Variants in MTUS2 observed in about 807,000 individuals in gnomAD.
MTUS2 encodes microtubule associated scaffold protein 2, also known as microtubule-associated tumor suppressor candidate 2.
A neutral mutation model predicts 114.1 loss-of-function variants in MTUS2; 40 were observed. That is an observed-to-expected ratio of 0.35 (90% confidence interval 0.27 to 0.46). The LOEUF is 0.46. Ranked by LOEUF, MTUS2 falls within the 20% of genes least tolerant of loss-of-function variation. The probability of loss-of-function intolerance (pLI) is 1.00; values close to 1 mark genes in which losing one functional copy is unlikely to be tolerated. For synonymous variants in MTUS2, 688 were observed against 672.0 expected, an observed-to-expected ratio of 1.02 and a Z score of -0.37; for missense variants, 1,679 against 1,705.4, an observed-to-expected ratio of 0.98 and a Z score of 0.27.
intron 2 of MTUS2, among the ~76,000 whole-genome samples, chr13:28,887,064 C>T (rs952797260): frequency 2.0e-5 from 3 of 152,098 alleles, no homozygotes; most frequent in East Asian, 1.9e-4. Flanking sequence ...TGGAGATCAG[C>T]GGAGGTTAAG....
intron 5 of MTUS2, among the ~76,000 whole-genome samples, chr13:29,278,210 A>T (rs1898136911): frequency 6.6e-6 from 1 of 152,236 alleles, no homozygotes; most frequent in Admixed American, 6.5e-5. Context: ...TTTTTCAAAC[A>T]GTACATAGGA....
chr13:28,967,321 A>G (rs1209617416), intron 2 of MTUS2, among the ~76,000 whole-genome samples: 1 of 152,212 alleles, frequency 6.6e-6, no homozygotes, highest in African/African-American at 2.4e-5. Context: ...GGCATTTCTG[A>G]AATGATCTAC....
chr13:28,992,575 A>G (rs74041691), intron 2 of MTUS2, among the ~76,000 whole-genome samples: 2,681 of 152,116 alleles, frequency 0.018, 79 homozygotes, highest in African/African-American at 0.06. Flanking sequence ...ACTATTGACT[A>G]TTTCCTTAAT....
At chr13:29,139,795 A>G (rs1892140714) in intron 5 of MTUS2, among the ~76,000 whole-genome samples, 1 of 152,206 alleles carries the variant, frequency 6.6e-6, no homozygotes. Flanking sequence ...ATGATTCCTC[A>G]TTCTCGTGCT....
chr13:29,141,321 T>A (rs1232490493), intron 5 of MTUS2, among the ~76,000 whole-genome samples: 1 of 152,092 alleles, frequency 6.6e-6, no homozygotes, highest in Non-Finnish European at 1.5e-5. Flanking sequence ...GAGAGGAGTG[T>A]CTTACAATAT....
chr13:29,249,257 A>G (rs1291745518), intron 5 of MTUS2, among the ~76,000 whole-genome samples: 1 of 152,102 alleles, frequency 6.6e-6, no homozygotes, highest in Non-Finnish European at 1.5e-5. Flanking sequence ...CCAAAGTGCT[A>G]GGATTACAGG....
chr13:29,314,931 C>T (rs1899925284), intron 6 of MTUS2, among the ~76,000 whole-genome samples: 1 of 152,144 alleles, frequency 6.6e-6, no homozygotes, highest in Non-Finnish European at 1.5e-5. Flanking sequence ...CCTTGTCCAT[C>T]AACAGATGAA....
At chr13:28,963,975 C>T (rs1485842401) in intron 2 of MTUS2, among the ~76,000 whole-genome samples, 3 of 152,192 alleles carry the variant, frequency 2.0e-5, no homozygotes, top group African/African-American at 7.2e-5. Context: ...CAGCTGTGAA[C>T]TCTTCATCCT....
intron 5 of MTUS2, among the ~76,000 whole-genome samples, chr13:29,202,881 G>A (rs576016191): frequency 3.5e-4 from 54 of 152,302 alleles, no homozygotes; most frequent in Non-Finnish European, 6.8e-4. Context: ...CCTCTGGAAG[G>A]TTTGTCCCAG....
At chr13:29,405,726 C>T (rs1874698802) in intron 8 of MTUS2, among the ~76,000 whole-genome samples, 1 of 147,484 alleles carries the variant, frequency 6.8e-6, no homozygotes, top group South Asian at 2.2e-4. Flanking sequence ...TTATGACGAC[C>T]ATGGGCTAAT....
At chr13:29,241,617 A>G (rs1334431872) in intron 5 of MTUS2, among the ~76,000 whole-genome samples, 2 of 152,148 alleles carry the variant, frequency 1.3e-5, no homozygotes, top group Non-Finnish European at 2.9e-5. Context: ...ATCACATGCT[A>G]CATTTGATTG....
At chr13:29,103,283 G>A (rs556150120) in intron 5 of MTUS2, among the ~76,000 whole-genome samples, 3 of 152,264 alleles carry the variant, frequency 2.0e-5, no homozygotes, top group South Asian at 4.1e-4. Flanking sequence ...ATCATAGAGT[G>A]TACTTGCACA....
chr13:29,049,651 A>T (rs1179695938), intron 4 of MTUS2, among the ~76,000 whole-genome samples: 1 of 152,208 alleles, frequency 6.6e-6, no homozygotes. Context: ...GTCTCAGGAC[A>T]GGTCAGTGGA....
intron 5 of MTUS2, among the ~76,000 whole-genome samples, chr13:29,241,403 T>A (rs1896727770): frequency 6.6e-6 from 1 of 152,254 alleles, no homozygotes; most frequent in South Asian, 2.1e-4. Flanking sequence ...ATTTATTTAC[T>A]TGCGTAGTAC....
chr13:28,970,750 G>A (rs1043844150), intron 2 of MTUS2, among the ~76,000 whole-genome samples: 5 of 152,086 alleles, frequency 3.3e-5, no homozygotes, highest in Non-Finnish European at 5.9e-5. Context: ...CCCCTCCATC[G>A]TGGCAGCAGC....
In MTUS2 at chr13:28,954,818, T is replaced by TA. The variant is rs1171299579; in HGVS notation, c.-242-69638dup. On this transcript the variant is annotated intron_variant, in intron 2 of 15. Coordinates refer to ENST00000612955, the MANE Select transcript of MTUS2 (RefSeq NM_001033602.4). Reference sequence around the variant, plus strand: ...GGTGGGGCCTCCAGCATGGGAGACTTACGTATAGGGCTGAGTTTGTTTTGG... The same window carrying TA: ...GGTGGGGCCTCCAGCATGGGAGACTTAACGTATAGGGCTGAGTTTGTTTTGG... 4.6e-5 allele frequency among the ~76,000 whole-genome samples: 7 copies of TA among 152,208 alleles called. No homozygotes were observed. The South Asian group carries it at 1.2e-3, about 27-fold the overall frequency.
intron 5 of MTUS2, among the ~76,000 whole-genome samples, chr13:29,139,096 A>ATGCTAGGT (rs1164553574): frequency 7.0e-6 from 1 of 141,928 alleles, no homozygotes; most frequent in Non-Finnish European, 1.5e-5. Flanking sequence ...TCCCAGCCTT[A>ATGCTAGGT]TGCTAGGTAC....
chr13:29,382,462 A>G (rs1261235210), intron 8 of MTUS2, among the ~76,000 whole-genome samples: 1 of 152,098 alleles, frequency 6.6e-6, no homozygotes. Flanking sequence ...GATTGGTGGT[A>G]TGTTGGAGTA....
intron 4 of MTUS2, among the ~76,000 whole-genome samples, chr13:29,083,013 T>G (rs2138737895): frequency 6.6e-6 from 1 of 152,196 alleles, no homozygotes; most frequent in Non-Finnish European, 1.5e-5. Context: ...TGGGCTTCAA[T>G]AAAAATTTAC....
Sources: gnomAD v4.1 joint callset for allele counts (sites outside exome capture counted in the v4.1 genomes callset) on GRCh38, gnomAD v4.1.1 for gene constraint, MANE v1.5 for transcripts, NCBI Gene and HGNC (gene_info 2026-07-23, HGNC 2026-07-21) for gene names.